Variants in RABGAP1L observed in about 807,000 individuals in gnomAD.
RABGAP1L encodes rab GTPase-activating protein 1-like.
A neutral mutation model predicts 137.7 loss-of-function variants in RABGAP1L; 63 were observed. The observed-to-expected ratio is 0.46, with a 90% CI of 0.37 to 0.56. The LOEUF is 0.56. Among genes scored for constraint, RABGAP1L ranks in the 20% least tolerant of loss-of-function variants. RABGAP1L has a pLI of 0.00. For missense variants in RABGAP1L, 1,095 were observed against 1,244.0 expected (o/e 0.88, Z 1.80); for synonymous variants, 431 against 433.7 (o/e 0.99, Z 0.08).
At chr1:174,595,486 T>C (rs1422907041) in intron 13 of RABGAP1L, among the ~76,000 whole-genome samples, 831 of 29,936 alleles carry the variant, frequency 0.028, 30 homozygotes, top group Non-Finnish European at 0.033. Flanking sequence ...CTTTGTGGTT[T>C]TATCTACTTT....
chr1:174,232,296 T>G (rs935370640), intron 4 of RABGAP1L, among the ~76,000 whole-genome samples: 1 of 151,368 alleles, frequency 6.6e-6, no homozygotes. Context: ...TCACTTGAGG[T>G]CAGGAGTTCG....
chr1:174,764,414 TC>T (rs1309651968), intron 18 of RABGAP1L, among the ~76,000 whole-genome samples: 1 of 152,084 alleles, frequency 6.6e-6, no homozygotes, highest in East Asian at 1.9e-4. Flanking sequence ...CACCATTACA[TC>T]CCCCGTGGCA....
chr1:174,891,224 C>CA (rs1656086360), intron 19 of RABGAP1L, among the ~76,000 whole-genome samples: 1 of 152,108 alleles, frequency 6.6e-6, no homozygotes, highest in African/African-American at 2.4e-5. Context: ...CTTTGAGAGG[C>CA]ACGGGATAGA....
rs1259426516 is a variant in RABGAP1L at position 174,632,290 on chromosome 1, A to T, written c.1711-5085A>T. Among the ~76,000 whole-genome samples the T allele has an allele frequency of 2.0e-5, 3 of 148,048 alleles. 1 individual carries two copies. The highest frequency in any genetic ancestry group is 7.7e-5 in the African/African-American group (3 of 38,844). The stretch of plus-strand genomic sequence containing the variant: ...TGTTAGTCTGATGGGCTTCCCTTTG[A>T]GGGTAACCCGACCTTTCTCTCTGGC... On this transcript the variant is annotated intron_variant, in intron 13 of 25. Transcript: ENST00000681986.
At chr1:174,461,398 TTTACGTTAG>T (rs2149281793) in intron 13 of RABGAP1L, among the ~76,000 whole-genome samples, 1 of 152,286 alleles carries the variant, frequency 6.6e-6, no homozygotes, top group African/African-American at 2.4e-5. Flanking sequence ...CAAATCAGCT[TTTACGTTAG>T]AAAAGTCACA....
chr1:174,383,652 G>A (rs1053504248), intron 12 of RABGAP1L, among the ~76,000 whole-genome samples: 5 of 152,100 alleles, frequency 3.3e-5, no homozygotes, highest in Non-Finnish European at 5.9e-5. Context: ...TTCGGCTCGC[G>A]CACGGTGCGC....
At chr1:174,268,092 A>T (rs910389031) in intron 7 of RABGAP1L, among the ~76,000 whole-genome samples, 5 of 152,124 alleles carry the variant, frequency 3.3e-5, no homozygotes, top group African/African-American at 1.2e-4. Context: ...ACTTTTATGA[A>T]ATTATTTAGT....
At position 174,278,798 on chromosome 1, in the gene RABGAP1L, C is replaced by T; in HGVS notation, c.1323+19C>T. The T allele has an allele frequency of 7.0e-7, 1 of 1,437,132 alleles. No homozygotes were observed. Among genetic ancestry groups the T allele is most frequent in the South Asian group, 1.6e-5 (1 of 60,806 alleles). 89.0% of individuals were successfully genotyped at this position (1,437,132 alleles called of 1,614,324 possible). A position where few individuals can be genotyped will look rare whatever the true frequency, so the allele number is the denominator to read the frequency against. ...GAAACAGGTAGGACCTTTTTGTTCT[C>T]TTCATATATAGTAACAAACATTTTT... On this transcript the variant is annotated intron_variant, in intron 10 of 25. Transcript: ENST00000681986.
At position 174,270,213 on chromosome 1, in the gene RABGAP1L, G is replaced by T. The variant is rs1328389495; in HGVS notation, c.987-2201G>T. Among the ~76,000 whole-genome samples the T allele has an allele frequency of 4.0e-5, 6 of 150,738 alleles. No homozygotes were observed. The East Asian group carries it at 1.2e-3, about 29-fold the overall frequency. On this transcript the variant is annotated intron_variant, in intron 7 of 25. Coordinates refer to ENST00000681986, the MANE Select transcript of RABGAP1L (RefSeq NM_001366446.1). ...GGCAGGGCTTTTTTTTTTTTTCCAG[G>T]CCAGGAAAAGATTAGTGCATTAAAG...
chr1:174,393,073 T>C (rs888881494), intron 12 of RABGAP1L, among the ~76,000 whole-genome samples: 14 of 152,214 alleles, frequency 9.2e-5, no homozygotes, highest in African/African-American at 3.1e-4. Flanking sequence ...GTAGCATATT[T>C]ACTATGTTGT....
chr1:174,830,930 T>TA (rs1692049967), intron 19 of RABGAP1L, among the ~76,000 whole-genome samples: 3 of 148,218 alleles, frequency 2.0e-5, no homozygotes, highest in Admixed American at 1.3e-4. Flanking sequence ...AAGGAGCATC[T>TA]AACCTATGAT....
intron 11 of RABGAP1L, among the ~76,000 whole-genome samples, chr1:174,327,990 T>TATATATATATATATATATATATACACAC (rs1680650592): frequency 2.7e-5 from 1 of 36,372 alleles, no homozygotes; most frequent in South Asian, 7.5e-4. Context: ...CACACACATA[T>TATATATATATATATATATATATACACAC]ATATATATAT....
intron 13 of RABGAP1L, among the ~76,000 whole-genome samples, chr1:174,582,132 G>T (rs1668790499): frequency 6.6e-6 from 1 of 152,130 alleles, no homozygotes; most frequent in Admixed American, 6.6e-5. Flanking sequence ...AGCCCTTTGG[G>T]AGGCCAAGGC....
rs548536003 is a variant in RABGAP1L, at chr1:174,509,056, A to G, written c.1710+114911A>G. Among the ~76,000 whole-genome samples the G allele has an allele frequency of 4.6e-5, 7 of 152,348 alleles. No homozygotes were observed. In the South Asian group the frequency reaches 1.2e-3, roughly 27 times the overall value. On this transcript the variant is annotated intron_variant, in intron 13 of 25. Transcript: ENST00000681986. ...AGAAGAGTCTATTCATGGCAAGGTA[A>G]TTAGAGCATCTTTGGCTAGAATATC...
At chr1:174,228,501 A>G (rs71643192) in intron 3 of RABGAP1L, among the ~76,000 whole-genome samples, 4 of 152,154 alleles carry the variant, frequency 2.6e-5, no homozygotes, top group Admixed American at 2.6e-4. Context: ...ACATACATGT[A>G]TATAATAATA....
In RABGAP1L at chr1:174,448,430, G is replaced by A. The variant is rs755072219; in HGVS notation, c.1710+54285G>A. ...TCTGTCACTTCTCCACTACTCCACA[G>A]GTGTCCACGAGTCATTGACTTGCCA... is the stretch of plus-strand genomic sequence containing the variant. On this transcript the variant is annotated intron_variant, in intron 13 of 25. Coordinates refer to ENST00000681986, the MANE Select transcript of RABGAP1L (RefSeq NM_001366446.1). This position sits in a 1 kb window ranked among gnomAD's most constrained non-coding sequence, Gnocchi z 4.2. 2 of 1,613,188 alleles carry A rather than the reference G, an allele frequency of 1.2e-6. No individual in the cohort carries two copies. The highest frequency in any genetic ancestry group is 1.7e-5 in the Admixed American group (1 of 60,012).
chr1:174,845,890 G>C (rs1693994845), intron 19 of RABGAP1L, among the ~76,000 whole-genome samples: 1 of 139,478 alleles, frequency 7.2e-6, no homozygotes, highest in Non-Finnish European at 1.5e-5. Flanking sequence ...ACTGATTATT[G>C]CCACAATTTC....
chr1:174,638,942 C>T (rs1435050342), intron 14 of RABGAP1L, among the ~76,000 whole-genome samples: 4 of 140,006 alleles, frequency 2.9e-5, no homozygotes, highest in East Asian at 2.0e-4. Context: ...TGCTAGATGA[C>T]GAGTTAGTGG....
chr1:174,980,228 T>G (rs1264209972), intron 23 of RABGAP1L, among the ~76,000 whole-genome samples: 1 of 152,220 alleles, frequency 6.6e-6, no homozygotes, highest in Non-Finnish European at 1.5e-5. Context: ...TGAACATCTT[T>G]CCATAAGGAA....
Sources: allele counts gnomAD v4.1 joint callset (sites outside exome capture counted in the v4.1 genomes callset), GRCh38; gene constraint gnomAD v4.1.1; non-coding constraint Gnocchi (gnomAD v3.1); transcripts MANE v1.5; gene names NCBI Gene and HGNC (gene_info 2026-07-23, HGNC 2026-07-21).